A2M: variants seen among roughly 807,000 people sequenced by gnomAD.
The protein encoded by A2M is C3 and PZP-like alpha-2-macroglobulin domain-containing protein 5.
In A2M, 128 loss-of-function variants were observed where a neutral mutation model predicts 183.9. That is an observed-to-expected ratio of 0.70 (90% CI 0.60 to 0.81). The LOEUF (loss-of-function observed/expected upper bound fraction) is 0.81. A2M is among the 30% of genes least tolerant of loss of function. The pLI, the probability that A2M is intolerant of heterozygous loss-of-function variation, is 0.00. For synonymous variants in A2M, 592 were observed against 670.8 expected, an observed-to-expected ratio of 0.88 and a Z score of 1.81; for missense variants, 1,495 against 1,787.6, an observed-to-expected ratio of 0.84 and a Z score of 2.95.
At chr12:9,089,356 A>C (rs770260779) in intron 21 of A2M, 105 bp from the exon 22 acceptor site, 2 of 856,440 alleles carry the variant, frequency 2.3e-6, no homozygotes, top group Non-Finnish European at 3.8e-6. Context: ...AAGGATTTGA[A>C]CTGTATTATC....
At chr12:9,100,559 G>A (rs769218358) in intron 13 of A2M, among the ~76,000 whole-genome samples, 64 of 152,006 alleles carry the variant, frequency 4.2e-4, no homozygotes, top group African/African-American at 1.2e-3. Context: ...GATTACAGGC[G>A]TAAGCCATCA....
chr12:9,107,982 C>CA (rs945612407), intron 7 of A2M, among the ~76,000 whole-genome samples: 4 of 151,244 alleles, frequency 2.6e-5, no homozygotes, highest in African/African-American at 7.3e-5. Context: ...CAAAACAGAA[C>CA]AAAAAAAACC....
chr12:9,105,957 TG>T (rs1216366936), intron 10 of A2M, among the ~76,000 whole-genome samples: 1 of 152,164 alleles, frequency 6.6e-6, no homozygotes, highest in East Asian at 1.9e-4. Context: ...TTGAGTGACT[TG>T]TACAATGCTG....
intron 22 of A2M, among the ~76,000 whole-genome samples, chr12:9,084,449 G>A (rs1334412892): frequency 6.6e-6 from 1 of 152,126 alleles, no homozygotes; most frequent in Admixed American, 6.5e-5. Flanking sequence ...AAATGTGTGT[G>A]GGGGAGTGAA....
chr12:9,093,146 A>G (rs1252604493), intron 18 of A2M, among the ~76,000 whole-genome samples: 4 of 152,206 alleles, frequency 2.6e-5, no homozygotes, highest in Non-Finnish European at 5.9e-5. Context: ...ACGTAGGATG[A>G]ATAAATTTAG....
At chr12:9,090,959 C>CT (rs1949192766) in intron 19 of A2M, among the ~76,000 whole-genome samples, 1 of 152,136 alleles carries the variant, frequency 6.6e-6, no homozygotes, top group Non-Finnish European at 1.5e-5. Flanking sequence ...AGAGTACTGA[C>CT]TTTTGTCACC....
Position 9,113,315 on chromosome 12 carries a change from C to A in A2M, c.270+45G>T, listed in dbSNP as rs773846714. The A allele has an allele frequency of 5.0e-6, 8 of 1,598,294 alleles. No homozygotes were observed. In the South Asian group the frequency reaches 9.1e-5, roughly 18 times the overall value. ...GACAGAATACTAGATCCCTATGACCCTGACTAAAAGAACCAAGTATATTAA... is the reference window on the plus strand; with the variant it reads ...GACAGAATACTAGATCCCTATGACCATGACTAAAAGAACCAAGTATATTAA... On this transcript the variant is annotated intron_variant, in intron 2 of 35. Coordinates refer to ENST00000318602, the MANE Select transcript of A2M (RefSeq NM_000014.6).
chr12:9,100,863 G>A (rs751494630), intron 13 of A2M, among the ~76,000 whole-genome samples: 1 of 152,212 alleles, frequency 6.6e-6, no homozygotes, highest in East Asian at 1.9e-4. Flanking sequence ...AGGATGCAAA[G>A]GCATAAGAAT....
At position 9,093,456 on chromosome 12, in the gene A2M, GTTAC is replaced by G. The variant is rs755733884; in HGVS notation, c.2240+5_2240+8del. ...TTGTTGCATATTGCATATGCAGGAA[GTTAC>G]TTACTTTACCACCACCAAATCCCAG... On this transcript the variant is annotated splice_donor_5th_base_variant and intron_variant, in intron 18 of 35. Coordinates refer to ENST00000318602, the MANE Select transcript of A2M (RefSeq NM_000014.6). 3.1e-6 allele frequency: 5 copies of G among 1,600,040 alleles called. No individual in the cohort carries two copies. Among genetic ancestry groups the G allele is most frequent in the Non-Finnish European group, 4.3e-6 (5 of 1,167,260 alleles).
chr12:9,109,519 G>T, intron 6 of A2M, 114 bp from the exon 7 acceptor site: 1 of 784,226 alleles, frequency 1.3e-6, no homozygotes, highest in Non-Finnish European at 2.2e-6. Flanking sequence ...TGAAAAGGTA[G>T]CTCTGCTCTC....
Position 9,072,402 on chromosome 12 carries a change from C to A in A2M, c.4060G>T (p.Glu1354Ter). ...GVQTLPQTCDEPKAHTSFQIS... is the reference protein window; with the variant it reads ...GVQTLPQTCD ...TGGAAGCTGGTGTGGGCTTTGGGTT[C>A]ATCACAAGTTTGAGGCAGAGTCTGC... Residue 1354 changes from glutamate (E) to a stop codon, truncating the protein, a stop_gained, in exon 31 of 36, where the codon GAA (glutamate) becomes TAA (stop). Coordinates refer to ENST00000318602, the MANE Select transcript of A2M (RefSeq NM_000014.6). LOFTEE classifies it high-confidence loss of function. 6.2e-7 allele frequency: 1 copy of A among 1,613,834 alleles called. No homozygotes were observed. Among genetic ancestry groups the A allele is most frequent in the Non-Finnish European group, 8.5e-7 (1 of 1,179,842 alleles).
intron 22 of A2M, 174 bp from the exon 23 acceptor site, chr12:9,080,351 C>T (rs1465800438): frequency 5.1e-6 from 2 of 393,886 alleles, no homozygotes; most frequent in Non-Finnish European, 9.0e-6. Context: ...CTACTGGTTT[C>T]CTGTGATTTT....
chr12:9,090,927 T>A (rs1949191651), intron 19 of A2M, among the ~76,000 whole-genome samples: 1 of 152,216 alleles, frequency 6.6e-6, no homozygotes, highest in African/African-American at 2.4e-5. Context: ...GGTTGAAACC[T>A]TGTAGAATCT....
chr12:9,101,754 C>G, intron 11 of A2M, 80 bp from the exon 12 acceptor site: 1 of 1,117,524 alleles, frequency 8.9e-7, no homozygotes, highest in Non-Finnish European at 1.3e-6. Context: ...CGTAAGTTTA[C>G]TGTCCTACCT....
rs1371948243 is a variant in A2M, at chr12:9,091,439, A to C, written c.2241-10T>G. On this transcript the variant is annotated splice_polypyrimidine_tract_variant and intron_variant, in intron 18 of 35. Transcript: ENST00000318602. The stretch of plus-strand genomic sequence containing the variant: ...AGCCACACCTGCTGAGCTGGAGAGG[A>C]GTGTAAGTGAAGAACAGAAAGTAAG... 5.0e-6 allele frequency: 8 copies of C among 1,613,598 alleles called. No homozygotes were observed. The Middle Eastern group carries it at 4.9e-4, about 100-fold the overall frequency.
chr12:9,098,774 A>G lies in A2M; in HGVS notation c.1702-18T>C, dbSNP rs1397531091. ...AAATCCACCTGTGAAATTGGAACAA[A>G]AGGTCAGAAAAGCAAATTTCCAGGT... On this transcript the variant is annotated intron_variant, in intron 14 of 35. Coordinates refer to ENST00000318602, the MANE Select transcript of A2M (RefSeq NM_000014.6). 6 of 1,609,816 alleles carry G rather than the reference A, an allele frequency of 3.7e-6. No homozygotes were observed. The Admixed American group carries it at 6.7e-5, about 18-fold the overall frequency.
chr12:9,093,863 G>A (rs371637504), intron 17 of A2M, among the ~76,000 whole-genome samples: 51 of 149,748 alleles, frequency 3.4e-4, no homozygotes, highest in Non-Finnish European at 5.3e-4. Context: ...CAGCCTGGGC[G>A]ACCTGAGCGA....
chr12:9,089,293 CTTCAGAACATGTGT>C, intron 21 of A2M, 42 bp from the exon 22 acceptor site: 1 of 1,391,514 alleles, frequency 7.2e-7, no homozygotes, highest in Non-Finnish European at 1.0e-6. Context: ...ATGGACTGAC[CTTCAGAACATGTGT>C]TTTAATGGAG....
intron 20 of A2M, 52 bp from the exon 21 acceptor site, chr12:9,090,075 C>T: frequency 6.4e-7 from 1 of 1,557,488 alleles, no homozygotes; most frequent in Non-Finnish European, 8.7e-7. Context: ...TCCTCCATGC[C>T]TCCAAACTCA....
Sources: allele counts gnomAD v4.1 joint callset (sites outside exome capture counted in the v4.1 genomes callset), GRCh38; gene constraint gnomAD v4.1.1; transcripts MANE v1.5; gene names NCBI Gene and HGNC (gene_info 2026-07-23, HGNC 2026-07-21).